The following DLC1 variants were observed in gnomAD, a reference collection of about 807,000 sequenced individuals.
The protein encoded by DLC1 is rho GTPase-activating protein 7.
A neutral mutation model predicts 140.3 loss-of-function variants in DLC1; 54 were observed. That is an observed-to-expected ratio of 0.38 (90% CI 0.31 to 0.48). DLC1 has a LOEUF of 0.48. Ranked by LOEUF, DLC1 falls within the 20% of genes least tolerant of loss-of-function variation. The probability of loss-of-function intolerance (pLI) is 0.96; values close to 1 mark genes in which losing one functional copy is unlikely to be tolerated. For synonymous variants in DLC1, 986 were observed against 728.1 expected (o/e 1.35, Z -5.70); for missense variants, 2,536 against 1,907.0 (o/e 1.33, Z -6.14).
intron 4 of DLC1, among the ~76,000 whole-genome samples, chr8:13,315,339 A>T (rs1832825012): frequency 6.6e-6 from 1 of 152,240 alleles, no homozygotes; most frequent in South Asian, 2.1e-4. Flanking sequence ...ATGATAATCA[A>T]ATAATAGCCA....
At chr8:13,509,306 C>T (rs148073676) in intron 1 of DLC1, among the ~76,000 whole-genome samples, 11 of 152,280 alleles carry the variant, frequency 7.2e-5, no homozygotes, top group African/African-American at 2.6e-4. Flanking sequence ...TAGGGAATTA[C>T]ATTTTTAGTC....
At chr8:13,189,785 G>C (rs145263937) in intron 5 of DLC1, among the ~76,000 whole-genome samples, 1 of 152,118 alleles carries the variant, frequency 6.6e-6, no homozygotes, top group Non-Finnish European at 1.5e-5. Context: ...GGGAGGCTGA[G>C]GCAGGAGAAT....
intron 2 of DLC1, among the ~76,000 whole-genome samples, chr8:13,405,342 A>G (rs551893066): frequency 1.0e-3 from 159 of 151,824 alleles, no homozygotes; most frequent in Non-Finnish European, 1.4e-3. Context: ...TCCCATCTTT[A>G]TGTCTTTGAG....
At chr8:13,442,590 A>G (rs1185676058) in intron 2 of DLC1, among the ~76,000 whole-genome samples, 1 of 152,268 alleles carries the variant, frequency 6.6e-6, no homozygotes, top group African/African-American at 2.4e-5. Context: ...TGCAGCCAAA[A>G]GACACATGAA....
intron 5 of DLC1, among the ~76,000 whole-genome samples, chr8:13,266,092 T>C (rs1830679227): frequency 6.6e-6 from 1 of 152,242 alleles, no homozygotes; most frequent in Admixed American, 6.5e-5. Context: ...GAAACTTTTC[T>C]CTGTCTTCCT....
chr8:13,091,529 AT>A, intron 13 of DLC1, 97 bp from the exon 14 acceptor site: 1 of 1,047,162 alleles, frequency 9.5e-7, no homozygotes, highest in East Asian at 2.6e-5. Context: ...AGAAAAAAAA[AT>A]TTTCACTGGA....
chr8:13,392,135 C>G (rs565456632), intron 4 of DLC1, among the ~76,000 whole-genome samples: 1 of 152,100 alleles, frequency 6.6e-6, no homozygotes, highest in Non-Finnish European at 1.5e-5. Context: ...CAGTTTACCC[C>G]GAAAGATCAT....
chr8:13,091,116 A>C (rs529299385), intron 14 of DLC1, among the ~76,000 whole-genome samples: 1 of 152,180 alleles, frequency 6.6e-6, no homozygotes, highest in Non-Finnish European at 1.5e-5. Context: ...CTGCTTTTCC[A>C]AGTAAAGGGA....
At chr8:13,252,303 G>A (rs894604718) in intron 5 of DLC1, among the ~76,000 whole-genome samples, 5 of 152,126 alleles carry the variant, frequency 3.3e-5, no homozygotes, top group African/African-American at 1.2e-4. Context: ...AAAGAGAGGA[G>A]TATGTAAAAT....
At chr8:13,494,778 C>G (rs1319594146) in intron 2 of DLC1, among the ~76,000 whole-genome samples, 2 of 151,958 alleles carry the variant, frequency 1.3e-5, no homozygotes, top group East Asian at 1.9e-4. Context: ...TGGCGAAACC[C>G]CATGTCTACT....
At chr8:13,154,559 C>A (rs919744170) in intron 5 of DLC1, among the ~76,000 whole-genome samples, 2 of 152,194 alleles carry the variant, frequency 1.3e-5, no homozygotes, top group Non-Finnish European at 2.9e-5. Flanking sequence ...TGCGCAGCCC[C>A]GGTTCCTGCT....
chr8:13,320,474 CT>C (rs1015915557), intron 4 of DLC1, among the ~76,000 whole-genome samples: 2 of 152,088 alleles, frequency 1.3e-5, no homozygotes, highest in Non-Finnish European at 2.9e-5. Context: ...AAAACAATGT[CT>C]TTTTTTCTTT....
At position 13,499,270 on chromosome 8, in the gene DLC1, G is replaced by A. The variant is rs1438704720; in HGVS notation, c.802C>T (p.Pro268Ser). Residue 268 changes from proline (P) to serine (S), a missense_variant, in exon 2 of 18, where the codon CCA becomes TCA. By Grantham distance (74) the Pro-to-Ser change is moderately conservative. Transcript: ENST00000276297. Reference sequence around the variant, plus strand: ...CTTCCAAAATCTGTTTTTAATAATGGCAGTCCTCTGTTTGTGCAAGGAGTA... The same window carrying A: ...CTTCCAAAATCTGTTTTTAATAATGACAGTCCTCTGTTTGTGCAAGGAGTA... The part of the protein sequence containing the change: ...LDTPCTNRGL[P>S]LLKTDFGSCL... 1.2e-6 allele frequency: 2 copies of A among 1,614,022 alleles called. No individual in the cohort carries two copies. The highest frequency in any genetic ancestry group is 1.7e-5 in the Admixed American group (1 of 59,994).
rs1167251117 is a variant in DLC1 at position 13,092,759 on chromosome 8, C to T, written c.3593G>A (p.Arg1198Gln). 3 of 1,613,988 alleles carry T rather than the reference C, an allele frequency of 1.9e-6. No individual in the cohort carries two copies. Among genetic ancestry groups the T allele is most frequent in the Non-Finnish European group, 2.5e-6 (3 of 1,180,028 alleles). Residue 1198 changes from arginine (R) to glutamine (Q), a missense_variant, in exon 13 of 18, where the codon CGG becomes CAG. Coordinates refer to ENST00000276297, the MANE Select transcript of DLC1 (RefSeq NM_182643.3). ...AAIMLLPDENREVLQTLLYFL... is the reference protein window; with the variant it reads ...AAIMLLPDENQEVLQTLLYFL... The stretch of plus-strand genomic sequence containing the variant: ...ATAAAGCAGGGTCTGCAGAACCTCC[C>T]GGTTCTCGTCAGGCAGCAGCATGAT...
At chr8:13,506,600 T>C (rs1585220686) in intron 1 of DLC1, among the ~76,000 whole-genome samples, 1 of 138,274 alleles carries the variant, frequency 7.2e-6, no homozygotes, top group African/African-American at 2.9e-5. Context: ...TATATATATA[T>C]ATATATATAC....
At position 13,233,734 on chromosome 8, in the gene DLC1, A is replaced by G. The variant is rs748019362; in HGVS notation, c.1348+71535T>C. ...AAACAATTTGGCTTGCCACCTGGAT[A>G]TTTTGTCAACACAATGTTTTGATAT... On this transcript the variant is annotated intron_variant, in intron 5 of 17. Transcript: ENST00000276297. Among the ~76,000 whole-genome samples the G allele has an allele frequency of 3.2e-4, 49 of 152,190 alleles. 1 individual carries two copies. Among genetic ancestry groups the G allele is most frequent in the Non-Finnish European group, 4.4e-4 (30 of 68,030 alleles).
intron 5 of DLC1, among the ~76,000 whole-genome samples, chr8:13,303,329 A>C (rs1490814647): frequency 6.6e-6 from 1 of 152,122 alleles, no homozygotes; most frequent in African/African-American, 2.4e-5. Context: ...ACCTCTGAAA[A>C]TTTAATCTCT....
At chr8:13,232,548 G>T (rs1185062979) in intron 5 of DLC1, among the ~76,000 whole-genome samples, 1 of 152,088 alleles carries the variant, frequency 6.6e-6, no homozygotes, top group Non-Finnish European at 1.5e-5. Context: ...GGCCAGGATG[G>T]TCTCGATCTC....
At chr8:13,370,416 T>A (rs762654744) in intron 4 of DLC1, among the ~76,000 whole-genome samples, 7 of 152,162 alleles carry the variant, frequency 4.6e-5, no homozygotes, top group Non-Finnish European at 7.3e-5. Context: ...TCTCTCAGTG[T>A]TTTATTCTTG....
Sources: allele counts gnomAD v4.1 joint callset (sites outside exome capture counted in the v4.1 genomes callset), GRCh38; gene constraint gnomAD v4.1.1; transcripts MANE v1.5; gene names NCBI Gene and HGNC (gene_info 2026-07-23, HGNC 2026-07-21).